SPRY3: variants seen among roughly 807,000 people sequenced by gnomAD.
SPRY3 encodes the protein sprouty RTK signaling antagonist 3.
Under a neutral mutation model 20.2 loss-of-function variants are expected in SPRY3, and 15 were observed. The observed-to-expected ratio is 0.74, with a 90% CI of 0.50 to 1.14. The LOEUF is 1.14. Ranked by LOEUF, SPRY3 falls within the 50% of genes most tolerant of loss-of-function variation. The pLI, the probability that SPRY3 is intolerant of heterozygous loss-of-function variation, is 0.00. For missense variants in SPRY3, 364 were observed against 363.9 expected (o/e 1.00, Z 0.00); for synonymous variants, 143 against 136.5 (o/e 1.05, Z -0.33).
chrX:155,715,812 C>T (rs1397364671), intron 2 of SPRY3, among the ~76,000 whole-genome samples: 1 of 152,130 alleles, frequency 6.6e-6, no homozygotes, highest in Non-Finnish European at 1.5e-5. Context: ...CTGGCTGAGC[C>T]CAGCATGTCT....
At chrX:155,779,431 C>T (rs2091450259), downstream of SPRY3, 1 of 166,948 alleles carries the variant, frequency 6.0e-6, no homozygotes, top group South Asian at 2.1e-4. Flanking sequence ...ACTATGTTTG[C>T]CTTCCTGAAC....
intron 2 of SPRY3, among the ~76,000 whole-genome samples, chrX:155,732,373 A>G (rs910034102): frequency 3.3e-5 from 5 of 152,046 alleles, no homozygotes; most frequent in Non-Finnish European, 1.5e-5. Flanking sequence ...TTCTGAAAAG[A>G]AGAGATACAA....
At chrX:155,707,214 A>C (rs1178201440) in intron 2 of SPRY3, among the ~76,000 whole-genome samples, 4 of 151,296 alleles carry the variant, frequency 2.6e-5, no homozygotes, top group African/African-American at 9.7e-5. Context: ...GTTAAAATGC[A>C]TTATAACTTT....
chrX:155,695,885 A>T (rs1347061272), intron 2 of SPRY3, among the ~76,000 whole-genome samples: 1 of 110,999 alleles, frequency 9.0e-6, no homozygotes, highest in African/African-American at 3.3e-5. Context: ...TATAGTTATA[A>T]TAGCTGCTTT....
chrX:155,697,919 T>C (rs1259492084), intron 2 of SPRY3, among the ~76,000 whole-genome samples: 1 of 110,847 alleles, frequency 9.0e-6, no homozygotes, highest in Non-Finnish European at 1.9e-5. Context: ...ATAGTGAATA[T>C]GTGGTTCATA....
chrX:155,761,776 T>C (rs752086437), intron 2 of SPRY3, among the ~76,000 whole-genome samples: 2 of 151,874 alleles, frequency 1.3e-5, no homozygotes, highest in South Asian at 4.2e-4. Flanking sequence ...TGGTATCTCA[T>C]TGTGGTTTTG....
At chrX:155,775,508 G>A in exon 4 of SPRY3, 1 of 167,084 alleles carries the variant, frequency 6.0e-6, no homozygotes, top group Non-Finnish European at 1.5e-5. Flanking sequence ...TTTATTAAGG[G>A]AAATGGATTA....
chrX:155,714,263 G>A (rs2091006237), intron 2 of SPRY3, among the ~76,000 whole-genome samples: 1 of 152,164 alleles, frequency 6.6e-6, no homozygotes, highest in African/African-American at 2.4e-5. Flanking sequence ...GATGCTTGTA[G>A]ATGTTCTTCA....
chrX:155,672,499 T>A (rs2068044181), intron 2 of SPRY3, among the ~76,000 whole-genome samples: 1 of 111,180 alleles, frequency 9.0e-6, no homozygotes, highest in East Asian at 2.8e-4. Flanking sequence ...GAAATGCAAA[T>A]CAAAACCACA....
At chrX:155,636,310 G>A (rs1490692612) in intron 1 of SPRY3, among the ~76,000 whole-genome samples, 1 of 111,823 alleles carries the variant, frequency 8.9e-6, no homozygotes, top group Non-Finnish European at 1.9e-5. Flanking sequence ...GAAATTCTCT[G>A]GGGAACCTCT....
chrX:155,717,735 C>G (rs1400735908), intron 2 of SPRY3, among the ~76,000 whole-genome samples: 1 of 152,100 alleles, frequency 6.6e-6, no homozygotes, highest in Non-Finnish European at 1.5e-5. Context: ...AGGATATGAA[C>G]TCATCCTTTT....
At chrX:155,770,141 G>A (rs1047152679) in intron 3 of SPRY3, among the ~76,000 whole-genome samples, 52 of 152,152 alleles carry the variant, frequency 3.4e-4, no homozygotes, top group Non-Finnish European at 7.4e-5. Context: ...GAGACTGGGA[G>A]AAAACAAGAG....
intron 1 of SPRY3, among the ~76,000 whole-genome samples, chrX:155,641,077 A>G (rs1557351356): frequency 9.0e-6 from 1 of 111,349 alleles, no homozygotes; most frequent in African/African-American, 3.3e-5. Context: ...TATGGCTTTT[A>G]TTATGTTGAG....
intron 2 of SPRY3, among the ~76,000 whole-genome samples, chrX:155,723,379 A>G (rs1288027286): frequency 6.6e-6 from 1 of 152,120 alleles, no homozygotes; most frequent in African/African-American, 2.4e-5. Context: ...CAATGGTTGA[A>G]CTAATTTACA....
chrX:155,728,481 C>G (rs1180473358), intron 2 of SPRY3, among the ~76,000 whole-genome samples: 4 of 152,188 alleles, frequency 2.6e-5, no homozygotes, highest in East Asian at 3.8e-4. Flanking sequence ...TTCGAACTTC[C>G]CAGTCGCTTT....
At chrX:155,679,412 G>T (rs1473639301) in intron 2 of SPRY3, among the ~76,000 whole-genome samples, 1 of 103,230 alleles carries the variant, frequency 9.7e-6, no homozygotes, top group African/African-American at 3.6e-5. Flanking sequence ...CTGCTTCAAA[G>T]ATGGTGCCTC....
intron 2 of SPRY3, among the ~76,000 whole-genome samples, chrX:155,719,730 G>A (rs1457613690): frequency 2.6e-5 from 4 of 152,064 alleles, no homozygotes; most frequent in South Asian, 2.1e-4. Flanking sequence ...GGGCCAGAAG[G>A]AAGGTCACTG....
At chrX:155,728,749 C>A (rs750662455) in intron 2 of SPRY3, among the ~76,000 whole-genome samples, 2 of 152,266 alleles carry the variant, frequency 1.3e-5, no homozygotes, top group East Asian at 3.9e-4. Context: ...GGGAAATCCC[C>A]TGACCCCTTG....
chrX:155,642,591 C>CT (rs1557351533), intron 1 of SPRY3, among the ~76,000 whole-genome samples: 1 of 110,997 alleles, frequency 9.0e-6, no homozygotes, highest in Non-Finnish European at 1.9e-5. Context: ...TGAAATTCTT[C>CT]TTTTTTAATG....
Sources: allele counts gnomAD v4.1 joint callset (sites outside exome capture counted in the v4.1 genomes callset), GRCh38; gene constraint gnomAD v4.1.1; transcripts MANE v1.5; gene names NCBI Gene and HGNC (gene_info 2026-07-23, HGNC 2026-07-21).